The following GARS1 variants were observed in gnomAD, a reference collection of about 807,000 sequenced individuals.
GARS1 encodes glycyl-tRNA synthetase 1.
A neutral mutation model predicts 86.4 loss-of-function variants in GARS1; 46 were observed. The observed-to-expected ratio is 0.53, with a 90% CI of 0.42 to 0.68. The LOEUF is 0.68. Ranked by LOEUF, GARS1 falls within the 30% of genes least tolerant of loss-of-function variation. The pLI is 0.00. For missense variants in GARS1, 797 were observed against 915.6 expected (o/e 0.87, Z 1.67); for synonymous variants, 342 against 329.8 (o/e 1.04, Z -0.40).
Position 30,612,228 on chromosome 7 carries a change from T to C in GARS1, c.1014T>C (p.Ser338=). Residue 338 remains serine, a synonymous_variant, in exon 8 of 17, where the codon TCT becomes TCC. Coordinates refer to ENST00000389266, the MANE Select transcript of GARS1 (RefSeq NM_002047.4). ...TTAGAAATGAGATCTCCCCTCGATC[T>C]GGACTGATCAGAGTCAGGTACTGCT... ...NSFRNEISPR[S]GLIRVREFTM... is the part of the protein sequence containing the mutation. 6.2e-7 allele frequency: 1 copy of C among 1,614,168 alleles called. No individual in the cohort carries two copies. The highest frequency in any genetic ancestry group is 1.1e-5 in the South Asian group (1 of 91,090).
At chr7:30,606,815 T>C (rs955105103) in intron 6 of GARS1, among the ~76,000 whole-genome samples, 1 of 152,216 alleles carries the variant, frequency 6.6e-6, no homozygotes, top group Non-Finnish European at 1.5e-5. Context: ...TGATCTGAGC[T>C]AGGAAGTTGA....
chr7:30,614,655 C>G (rs1310307617), intron 8 of GARS1, among the ~76,000 whole-genome samples: 1 of 151,956 alleles, frequency 6.6e-6, no homozygotes, highest in Non-Finnish European at 1.5e-5. Flanking sequence ...GCGGGCGGAT[C>G]ATGAGGTTCA....
At chr7:30,604,401 C>G (rs1562773378) in intron 6 of GARS1, among the ~76,000 whole-genome samples, 2 of 152,182 alleles carry the variant, frequency 1.3e-5, no homozygotes, top group Non-Finnish European at 2.9e-5. Context: ...AAAACCAATA[C>G]TGTGATTATA....
chr7:30,626,257 G>A lies in GARS1; in HGVS notation c.1637G>A (p.Gly546Glu), dbSNP rs1448530643. The A allele has an allele frequency of 3.7e-6, 6 of 1,608,082 alleles. No homozygotes were observed. In the South Asian group the frequency reaches 5.5e-5, roughly 15 times the overall value. The change falls in exon 13 of 17, where the codon GGG becomes GAG. Residue 546 changes from glycine to glutamate, a missense_variant. By Grantham distance (98) the Gly-to-Glu change is moderately conservative. Coordinates refer to ENST00000389266, the MANE Select transcript of GARS1 (RefSeq NM_002047.4). ...AGGGAATTCACAATTGAAACTGAAG[G>A]GAAAACATTTCAGTTAACAAAAGAC... ...EKGEFTIETE[G>E]KTFQLTKDMI...
chr7:30,628,027 T>C (rs1278401071), intron 13 of GARS1, among the ~76,000 whole-genome samples: 3 of 152,228 alleles, frequency 2.0e-5, no homozygotes, highest in Non-Finnish European at 4.4e-5. Context: ...AAACAGAATT[T>C]GGTGAAAGGT....
intron 9 of GARS1, 118 bp downstream of exon 9, chr7:30,616,176 A>T: frequency 9.1e-7 from 1 of 1,104,018 alleles, no homozygotes; most frequent in South Asian, 1.3e-5. Context: ...TTGCTTTTTT[A>T]CAGTACTTGG....
At chr7:30,616,554 C>G (rs1433238215) in intron 9 of GARS1, among the ~76,000 whole-genome samples, 1 of 152,228 alleles carries the variant, frequency 6.6e-6, no homozygotes, top group Non-Finnish European at 1.5e-5. Flanking sequence ...GAGCAGTGAG[C>G]TTCCTGGCCC....
intron 12 of GARS1, among the ~76,000 whole-genome samples, chr7:30,625,244 C>G (rs1783104008): frequency 6.6e-6 from 1 of 152,112 alleles, no homozygotes; most frequent in South Asian, 2.1e-4. Flanking sequence ...TCGCCTGACC[C>G]AATTGCAACT....
intron 13 of GARS1, chr7:30,626,978 C>T (rs1280570177): frequency 2.2e-5 from 9 of 404,168 alleles, no homozygotes; most frequent in Non-Finnish European, 3.4e-5. Flanking sequence ...AAGACTCCGT[C>T]TCAAAAAAAA....
At chr7:30,603,643 T>C in intron 6 of GARS1, 71 bp downstream of exon 6, 1 of 1,095,988 alleles carries the variant, frequency 9.1e-7, no homozygotes, top group Non-Finnish European at 1.4e-6. Flanking sequence ...TTAATGACTG[T>C]TGCATTTCCC....
At chr7:30,626,907 G>T (rs1056291064) in intron 13 of GARS1, 1 of 323,964 alleles carries the variant, frequency 3.1e-6, no homozygotes, top group Non-Finnish European at 6.1e-6. Flanking sequence ...CTTGAACCCG[G>T]GAGGTGGAGG....
upstream of GARS1, chr7:30,594,781 C>T (rs1011456833): frequency 1.3e-5 from 9 of 710,220 alleles, no homozygotes; most frequent in Non-Finnish European, 2.1e-5. Flanking sequence ...CGGCGGCGAC[C>T]CGGCGCCGCG....
chr7:30,623,427 T>C (rs1490159825), intron 12 of GARS1, among the ~76,000 whole-genome samples: 2 of 152,096 alleles, frequency 1.3e-5, no homozygotes, highest in Non-Finnish European at 2.9e-5. Context: ...TTTTTATATA[T>C]ATAAACAACA....
At chr7:30,627,047 T>G (rs1783143653) in intron 13 of GARS1, 1 of 467,726 alleles carries the variant, frequency 2.1e-6, no homozygotes, top group Non-Finnish European at 4.4e-6. Context: ...AAGAAGATGT[T>G]TTTTTGTAGA....
At chr7:30,620,594 A>C (rs1782984094) in intron 10 of GARS1, among the ~76,000 whole-genome samples, 1 of 152,240 alleles carries the variant, frequency 6.6e-6, no homozygotes, top group Non-Finnish European at 1.5e-5. Context: ...TTCTTTGAAA[A>C]TAATTTAAAT....
intron 10 of GARS1, 60 bp downstream of exon 10, chr7:30,617,338 CA>C (rs1782909251): frequency 6.4e-7 from 1 of 1,564,922 alleles, no homozygotes; most frequent in South Asian, 1.1e-5. Flanking sequence ...GCACAGGTAC[CA>C]AATGAATTTT....
chr7:30,597,001 A>C (rs1235228305), intron 1 of GARS1, among the ~76,000 whole-genome samples: 1 of 152,224 alleles, frequency 6.6e-6, no homozygotes, highest in Non-Finnish European at 1.5e-5. Flanking sequence ...AAATGAATGA[A>C]GTGAGTTTGT....
chr7:30,594,822 G>A (rs1791201218), upstream of GARS1: 11 of 1,028,908 alleles, frequency 1.1e-5, no homozygotes, highest in Non-Finnish European at 1.4e-5. Context: ...GGCAGCACGC[G>A]CGCCGCGTCG....
chr7:30,631,281 C>T, intron 14 of GARS1, 167 bp from the exon 15 acceptor site: 1 of 545,222 alleles, frequency 1.8e-6, no homozygotes, highest in Non-Finnish European at 3.3e-6. Flanking sequence ...GATGCTGGTT[C>T]TGCTTCTCTT....
Sources: gnomAD v4.1 joint callset for allele counts (sites outside exome capture counted in the v4.1 genomes callset) on GRCh38, gnomAD v4.1.1 for gene constraint, MANE v1.5 for transcripts, NCBI Gene and HGNC (gene_info 2026-07-23, HGNC 2026-07-21) for gene names.